PDE4D: variants seen among roughly 807,000 people sequenced by gnomAD.
PDE4D encodes the protein 3',5'-cyclic-AMP phosphodiesterase 4D.
A neutral mutation model predicts 87.4 loss-of-function variants in PDE4D; 24 were observed. The ratio of observed to expected loss-of-function variants is 0.27; its 90% CI spans 0.20 to 0.39. The LOEUF (loss-of-function observed/expected upper bound fraction) is 0.39. PDE4D is among the 10% of genes least tolerant of loss of function. The probability of loss-of-function intolerance (pLI) is 1.00; values close to 1 mark genes in which losing one functional copy is unlikely to be tolerated. For synonymous variants in PDE4D, 384 were observed against 383.2 expected (o/e 1.00, Z -0.02); for missense variants, 714 against 1,041.0 (o/e 0.69, Z 4.32).
chr5:60,378,256 T>C (rs1761579378), intron 1 of PDE4D, among the ~76,000 whole-genome samples: 1 of 152,172 alleles, frequency 6.6e-6, no homozygotes, highest in South Asian at 2.1e-4. Flanking sequence ...AGGGGACACA[T>C]GTTGGGTTGA....
chr5:59,358,602 A>G (rs921541149), intron 1 of PDE4D, among the ~76,000 whole-genome samples: 4 of 152,132 alleles, frequency 2.6e-5, no homozygotes, highest in African/African-American at 9.7e-5. Flanking sequence ...GTTAGCACTG[A>G]GCTGAACAAC....
At chr5:58,976,327 A>ACTCTT (rs1743793389) in intron 13 of PDE4D, 23 bp downstream of exon 13, 2 of 1,610,938 alleles carry the variant, frequency 1.2e-6, no homozygotes, top group Non-Finnish European at 1.7e-6. Flanking sequence ...ACACACACAG[A>ACTCTT]GCAAACTCAA....
At chr5:59,906,816 T>G (rs183470057) in intron 3 of PDE4D, among the ~76,000 whole-genome samples, 122 of 152,270 alleles carry the variant, frequency 8.0e-4, no homozygotes, top group African/African-American at 2.7e-3. Context: ...TAGGAAGCAG[T>G]GTGATGGTTT....
chr5:59,711,531 T>C (rs1463363982), intron 1 of PDE4D, among the ~76,000 whole-genome samples: 1 of 152,182 alleles, frequency 6.6e-6, no homozygotes, highest in African/African-American at 2.4e-5. Flanking sequence ...ATATTTTTTA[T>C]CCACTAGGAT....
In PDE4D at chr5:59,275,414, AT is replaced by A. The variant is rs909187803; in HGVS notation, c.456-59447del. ...ATAATAATGCTCATTTTGAAAAAAA[AT>A]AAAAAGGAAAATAAGTCTTCAACTA... On this transcript the variant is annotated intron_variant, in intron 1 of 14. Coordinates refer to ENST00000340635, the MANE Select transcript of PDE4D (RefSeq NM_001104631.2). 4 of 1,596,164 alleles carry A rather than the reference AT, an allele frequency of 2.5e-6. No individual in the cohort carries two copies. In the African/African-American group the frequency reaches 4.0e-5, roughly 16 times the overall value.
intron 1 of PDE4D, among the ~76,000 whole-genome samples, chr5:60,351,912 C>A (rs1184192623): frequency 6.6e-6 from 1 of 151,202 alleles, no homozygotes; most frequent in East Asian, 1.9e-4. Flanking sequence ...GTCAAGCGAT[C>A]CTCCCACCTC....
chr5:60,272,099 G>A (rs1583272676), intron 1 of PDE4D, among the ~76,000 whole-genome samples: 1 of 152,296 alleles, frequency 6.6e-6, no homozygotes, highest in African/African-American at 2.4e-5. Context: ...TCCTACAGAA[G>A]AAACAGTGAC....
intron 1 of PDE4D, among the ~76,000 whole-genome samples, chr5:60,505,220 C>T (rs1200834918): frequency 6.6e-6 from 1 of 152,228 alleles, no homozygotes. Flanking sequence ...AGGACATAAG[C>T]ATTACTCACT....
At chr5:59,438,925 T>C (rs1208928402) in intron 1 of PDE4D, among the ~76,000 whole-genome samples, 1 of 152,232 alleles carries the variant, frequency 6.6e-6, no homozygotes, top group Non-Finnish European at 1.5e-5. Context: ...TTCTCCTAAA[T>C]GTAAATGATA....
At chr5:60,124,197 C>T (rs1778932196) in intron 2 of PDE4D, among the ~76,000 whole-genome samples, 1 of 152,058 alleles carries the variant, frequency 6.6e-6, no homozygotes, top group South Asian at 2.1e-4. Context: ...AATACTATGA[C>T]AATTGCCAAG....
At chr5:59,187,435 TAGAAA>T (rs1393766265) in intron 3 of PDE4D, among the ~76,000 whole-genome samples, 14 of 152,122 alleles carry the variant, frequency 9.2e-5, no homozygotes, top group Non-Finnish European at 1.2e-4. Flanking sequence ...AAAGACGCAA[TAGAAA>T]CAGATTAACC....
intron 1 of PDE4D, among the ~76,000 whole-genome samples, chr5:59,414,634 G>T (rs1042916326): frequency 3.3e-5 from 5 of 152,222 alleles, no homozygotes; most frequent in Non-Finnish European, 7.3e-5. Flanking sequence ...CCAGACAAAG[G>T]AATGTCATTC....
chr5:59,166,891 A>G (rs1298192384), intron 5 of PDE4D, among the ~76,000 whole-genome samples: 1 of 152,230 alleles, frequency 6.6e-6, no homozygotes, highest in Non-Finnish European at 1.5e-5. Context: ...GCTTTCAGCA[A>G]TGGCATCAGG....
intron 2 of PDE4D, among the ~76,000 whole-genome samples, chr5:60,159,542 G>C (rs1333862084): frequency 6.6e-6 from 1 of 152,056 alleles, no homozygotes; most frequent in Non-Finnish European, 1.5e-5. Flanking sequence ...ATAAACATAT[G>C]AGTAATATGT....
At chr5:60,462,653 G>A (rs1400661614) in intron 1 of PDE4D, among the ~76,000 whole-genome samples, 1 of 152,128 alleles carries the variant, frequency 6.6e-6, no homozygotes, top group Non-Finnish European at 1.5e-5. Context: ...AGCTCAACAG[G>A]TGAGGCCAGG....
chr5:59,308,046 TTC>T (rs1477942075), intron 1 of PDE4D, among the ~76,000 whole-genome samples: 2 of 152,012 alleles, frequency 1.3e-5, no homozygotes, highest in African/African-American at 4.8e-5. Flanking sequence ...AAATGATGAG[TTC>T]ATGTCCTTTG....
intron 5 of PDE4D, among the ~76,000 whole-genome samples, chr5:59,152,508 A>G (rs1779608859): frequency 6.6e-6 from 1 of 152,216 alleles, no homozygotes; most frequent in East Asian, 1.9e-4. Flanking sequence ...AGCCTGTAAT[A>G]GTTTGCAAAA....
chr5:59,828,617 T>A (rs1057474643), intron 1 of PDE4D, among the ~76,000 whole-genome samples: 1 of 152,062 alleles, frequency 6.6e-6, no homozygotes, highest in Non-Finnish European at 1.5e-5. Context: ...CTATCACTGC[T>A]TATGAAGCTG....
intron 1 of PDE4D, among the ~76,000 whole-genome samples, chr5:59,369,471 C>T (rs889626108): frequency 6.6e-5 from 10 of 151,954 alleles, no homozygotes; most frequent in Non-Finnish European, 1.2e-4. Flanking sequence ...GGCAGGAAGG[C>T]GATTCTAGGA....
Sources: allele counts gnomAD v4.1 joint callset (sites outside exome capture counted in the v4.1 genomes callset), GRCh38; gene constraint gnomAD v4.1.1; transcripts MANE v1.5; gene names NCBI Gene and HGNC (gene_info 2026-07-23, HGNC 2026-07-21).